ARMH4: variants seen among roughly 807,000 people sequenced by gnomAD.
ARMH4 encodes armadillo-like helical domain-containing protein 4.
In ARMH4, 49 loss-of-function variants were observed where a neutral mutation model predicts 61.9. That is an observed-to-expected ratio of 0.79 (90% CI 0.63 to 1.00). The LOEUF (loss-of-function observed/expected upper bound fraction) is 1.00, where lower values mean the gene tolerates loss of function less well. Ranked by LOEUF, ARMH4 falls within the 50% of genes least tolerant of loss-of-function variation. The probability of loss-of-function intolerance (pLI) is 0.00; values close to 1 mark genes in which losing one functional copy is unlikely to be tolerated. For missense variants in ARMH4, 934 were observed against 930.0 expected (o/e 1.00, Z -0.06); for synonymous variants, 368 against 341.5 (o/e 1.08, Z -0.85).
chr14:58,123,722 A>T (rs1393317303), intron 4 of ARMH4, among the ~76,000 whole-genome samples: 5 of 152,088 alleles, frequency 3.3e-5, no homozygotes, highest in Non-Finnish European at 7.4e-5. Flanking sequence ...CAACGTCTCA[A>T]CTCACCTGGA....
chr14:58,042,982 A>T (rs1170408643), intron 5 of ARMH4, among the ~76,000 whole-genome samples: 7 of 152,202 alleles, frequency 4.6e-5, no homozygotes, highest in Non-Finnish European at 1.0e-4. Flanking sequence ...AACCAAAAAA[A>T]GTCCAGGACC....
intron 4 of ARMH4, among the ~76,000 whole-genome samples, chr14:58,128,020 A>G (rs569034346): frequency 1.4e-4 from 21 of 152,342 alleles, no homozygotes; most frequent in African/African-American, 5.1e-4. Flanking sequence ...ACAACCTTCC[A>G]TTCTACAGAA....
At position 58,096,871 on chromosome 14, in the gene ARMH4, C is replaced by G; in HGVS notation, c.1942G>C (p.Asp648His). Residue 648 changes from aspartate (D) to histidine (H), a missense_variant, in exon 5 of 8, where the codon GAT (aspartate) becomes CAT (histidine). Transcript: ENST00000267485. ...KDADSLDEGLDGDTELPGFTL... is the reference protein window; with the variant it reads ...KDADSLDEGLHGDTELPGFTL... ...AAACCTGGCAGCTCAGTGTCACCATCCAAGCCCTCATCCAGCGAGTCTGCA... is the reference window on the plus strand; with the variant it reads ...AAACCTGGCAGCTCAGTGTCACCATGCAAGCCCTCATCCAGCGAGTCTGCA... 1 of 1,614,152 alleles carries G rather than the reference C, an allele frequency of 6.2e-7. No individual in the cohort carries two copies. The highest frequency in any genetic ancestry group is 8.5e-7 in the Non-Finnish European group (1 of 1,180,034).
chr14:58,033,779 G>T (rs1193225718), intron 5 of ARMH4, among the ~76,000 whole-genome samples: 10 of 28,056 alleles, frequency 3.6e-4, no homozygotes, highest in Admixed American at 1.2e-3. Context: ...GAGCCGATGC[G>T]ATCAACTGGA....
chr14:58,082,106 T>G (rs1201587843), intron 5 of ARMH4, among the ~76,000 whole-genome samples: 3 of 152,232 alleles, frequency 2.0e-5, no homozygotes, highest in South Asian at 2.1e-4. Flanking sequence ...CTGGTTAAAC[T>G]TAACAGTCAG....
intron 1 of ARMH4, among the ~76,000 whole-genome samples, chr14:58,148,764 C>T (rs1391890402): frequency 6.6e-6 from 1 of 151,714 alleles, no homozygotes; most frequent in African/African-American, 2.4e-5. Flanking sequence ...CCAATTTTGG[C>T]TACTTATTTA....
chr14:58,082,606 C>T (rs1387657500), intron 5 of ARMH4, among the ~76,000 whole-genome samples: 2 of 152,174 alleles, frequency 1.3e-5, no homozygotes, highest in African/African-American at 4.8e-5. Flanking sequence ...TACAAGGCTC[C>T]ACTTGGTACT....
chr14:58,139,721 T>G (rs1379059693), intron 1 of ARMH4, among the ~76,000 whole-genome samples: 3 of 152,258 alleles, frequency 2.0e-5, no homozygotes, highest in Non-Finnish European at 4.4e-5. Flanking sequence ...TTTGCAATAT[T>G]CTCTCCAAAT....
chr14:58,140,981 G>C (rs1242975792), intron 1 of ARMH4, among the ~76,000 whole-genome samples: 1 of 152,062 alleles, frequency 6.6e-6, no homozygotes, highest in Non-Finnish European at 1.5e-5. Context: ...TGCCTTCTAT[G>C]AACCAGAAAG....
Position 58,002,126 on chromosome 14 carries a change from C to G in ARMH4, c.*2610G>C. 6.6e-6 allele frequency: 1 copy of G among 152,126 alleles called. No homozygotes were observed. Among genetic ancestry groups the G allele is most frequent in the East Asian group, 1.9e-4 (1 of 5,198 alleles). 9.4% of individuals were successfully genotyped at this position (152,126 alleles called of 1,614,324 possible). A position where few individuals can be genotyped will look rare whatever the true frequency, so the allele number is the denominator to read the frequency against. ...ACTTCTCAACTGGACCACTATATAA[C>G]CACTGGCCAGCACTTCCATCTCGTA... On this transcript the variant is annotated 3_prime_UTR_variant, in exon 8 of 8. Coordinates refer to ENST00000267485, the MANE Select transcript of ARMH4 (RefSeq NM_001001872.4).
chr14:58,022,676 C>A (rs1423660050), intron 5 of ARMH4, among the ~76,000 whole-genome samples: 1 of 152,170 alleles, frequency 6.6e-6, no homozygotes, highest in African/African-American at 2.4e-5. Context: ...ACTCCTTATA[C>A]CCAATCCTGT....
At chr14:58,149,959 T>G (rs545972299) in intron 1 of ARMH4, among the ~76,000 whole-genome samples, 1 of 152,332 alleles carries the variant, frequency 6.6e-6, no homozygotes, top group South Asian at 2.1e-4. Flanking sequence ...AGTAGCATTT[T>G]TTTCCCCAAG....
intron 5 of ARMH4, among the ~76,000 whole-genome samples, chr14:58,050,425 C>T (rs770402993): frequency 4.6e-5 from 7 of 152,194 alleles, no homozygotes; most frequent in Non-Finnish European, 1.0e-4. Context: ...TCTACCCATT[C>T]GACCTGGTGA....
chr14:58,045,875 C>T (rs561644479), intron 5 of ARMH4, among the ~76,000 whole-genome samples: 2 of 152,180 alleles, frequency 1.3e-5, no homozygotes, highest in South Asian at 2.1e-4. Context: ...AAGAAGAAGA[C>T]AGCCATTAAC....
At chr14:58,132,495 A>C (rs1410537603) in intron 3 of ARMH4, among the ~76,000 whole-genome samples, 4 of 151,366 alleles carry the variant, frequency 2.6e-5, no homozygotes, top group Non-Finnish European at 5.9e-5. Flanking sequence ...GTTGCCAAAC[A>C]GGAAGAGCCT....
chr14:58,132,162 A>C (rs1026709046), intron 3 of ARMH4, among the ~76,000 whole-genome samples: 1 of 152,246 alleles, frequency 6.6e-6, no homozygotes, highest in African/African-American at 2.4e-5. Flanking sequence ...TCAATTTAAA[A>C]GCAGCCAAAT....
At chr14:58,062,779 G>C (rs577670122) in intron 5 of ARMH4, among the ~76,000 whole-genome samples, 8 of 152,240 alleles carry the variant, frequency 5.3e-5, no homozygotes, top group Non-Finnish European at 1.0e-4. Flanking sequence ...GTCTGGGCTT[G>C]AATGCAGACA....
At chr14:58,127,972 C>A (rs1886959444) in intron 4 of ARMH4, among the ~76,000 whole-genome samples, 2 of 152,070 alleles carry the variant, frequency 1.3e-5, no homozygotes, top group Admixed American at 1.3e-4. Flanking sequence ...ACAAATAGAC[C>A]CACAGTAGAT....
chr14:58,095,202 T>C (rs569917407), intron 5 of ARMH4, among the ~76,000 whole-genome samples: 9 of 152,340 alleles, frequency 5.9e-5, no homozygotes, highest in African/African-American at 1.4e-4. Flanking sequence ...AAGGCAACCC[T>C]GTCTCCCTCG....
Sources: gnomAD v4.1 joint callset for allele counts (sites outside exome capture counted in the v4.1 genomes callset) on GRCh38, gnomAD v4.1.1 for gene constraint, MANE v1.5 for transcripts, NCBI Gene and HGNC (gene_info 2026-07-23, HGNC 2026-07-21) for gene names.